The following CACNA1C variants were observed in gnomAD, a reference collection of about 807,000 sequenced individuals.
The protein encoded by CACNA1C is calcium voltage-gated channel subunit alpha1 C.
CACNA1C carries 30 observed loss-of-function variants against 229.0 expected under a neutral mutation model. That is an observed-to-expected ratio of 0.13 (90% CI 0.10 to 0.18). The LOEUF is 0.18. Ranked by LOEUF, CACNA1C falls within the 10% of genes least tolerant of loss-of-function variation. CACNA1C has a pLI of 1.00. For synonymous variants in CACNA1C, 1,114 were observed against 1,132.5 expected (o/e 0.98, Z 0.33); for missense variants, 1,658 against 2,845.0 (o/e 0.58, Z 9.49).
intron 3 of CACNA1C, among the ~76,000 whole-genome samples, chr12:2,268,914 G>C (rs1369545732): frequency 6.6e-6 from 1 of 152,164 alleles, no homozygotes; most frequent in African/African-American, 2.4e-5. Context: ...CTCGGCCTTG[G>C]GCAGACTCTG....
intron 1 of CACNA1C, among the ~76,000 whole-genome samples, chr12:2,104,249 T>C (rs758593805): frequency 5.3e-5 from 8 of 152,262 alleles, no homozygotes; most frequent in Admixed American, 2.6e-4. Context: ...TCTTATTTCC[T>C]TGAACAGTGG....
chr12:2,482,543 C>T (rs1475073681), intron 5 of CACNA1C, among the ~76,000 whole-genome samples: 2 of 152,182 alleles, frequency 1.3e-5, no homozygotes, highest in Non-Finnish European at 2.9e-5. Flanking sequence ...ATGGAATGAT[C>T]CAATAGAGTG....
At position 2,053,315 on chromosome 12, in the gene CACNA1C, A is replaced by G; in HGVS notation, c.-248A>G. 8.0e-7 allele frequency: 1 copy of G among 1,244,038 alleles called. No homozygotes were observed. Among genetic ancestry groups the G allele is most frequent in the Non-Finnish European group, 1.0e-6 (1 of 989,832 alleles). 77.1% of individuals were successfully genotyped at this position (1,244,038 alleles called of 1,614,324 possible). On this transcript the variant is annotated 5_prime_UTR_variant, in exon 1 of 47. Transcript: ENST00000399655. This position sits in a 1 kb window ranked among gnomAD's most constrained non-coding sequence, Gnocchi z 5.8. ...CAGTTCTTGGAAGGGGCCCGGATGT[A>G]CTGAGGATGCGTTACAGTTTCACTC...
At chr12:2,119,772 A>T (rs994893906) in intron 2 of CACNA1C, among the ~76,000 whole-genome samples, 11 of 152,204 alleles carry the variant, frequency 7.2e-5, no homozygotes, top group Non-Finnish European at 2.9e-5. Flanking sequence ...GGTCTTCAGG[A>T]TCTCTGGAAC....
intron 1 of CACNA1C, among the ~76,000 whole-genome samples, chr12:2,072,450 T>A (rs1319813788): frequency 6.6e-6 from 1 of 152,072 alleles, no homozygotes; most frequent in Non-Finnish European, 1.5e-5. Context: ...TCCGCCCGCC[T>A]CGGCCTCCCA....
intron 7 of CACNA1C, among the ~76,000 whole-genome samples, chr12:2,503,629 G>A (rs538059689): frequency 1.3e-5 from 2 of 152,286 alleles, no homozygotes; most frequent in South Asian, 4.1e-4. Flanking sequence ...CTGCCAGTGT[G>A]GTCAACGAAC....
intron 3 of CACNA1C, among the ~76,000 whole-genome samples, chr12:2,371,643 A>G (rs1006261482): frequency 1.2e-4 from 18 of 151,550 alleles, no homozygotes; most frequent in Admixed American, 1.1e-3. Context: ...AAATAAGGAG[A>G]TATTCTTAAG....
intron 3 of CACNA1C, among the ~76,000 whole-genome samples, chr12:2,315,963 T>G (rs2095667711): frequency 6.6e-6 from 1 of 152,238 alleles, no homozygotes; most frequent in South Asian, 2.1e-4. Flanking sequence ...AGAAAGGAAC[T>G]GCATTCCAGT....
intron 3 of CACNA1C, among the ~76,000 whole-genome samples, chr12:2,186,294 A>G (rs531744577): frequency 7.9e-5 from 12 of 152,100 alleles, no homozygotes; most frequent in African/African-American, 2.9e-4. Flanking sequence ...GGCTCATGTT[A>G]TGGGTGGCCG....
intron 3 of CACNA1C, among the ~76,000 whole-genome samples, chr12:2,192,401 C>T (rs2097266869): frequency 6.6e-6 from 1 of 152,044 alleles, no homozygotes; most frequent in Non-Finnish European, 1.5e-5. Flanking sequence ...AGCTCCAAGC[C>T]TTCTTCTGCG....
intron 3 of CACNA1C, among the ~76,000 whole-genome samples, chr12:2,281,338 A>G (rs940013207): frequency 2.0e-5 from 3 of 152,162 alleles, no homozygotes; most frequent in Non-Finnish European, 2.9e-5. Flanking sequence ...TGAAAATCAT[A>G]TATACTTAAC....
At chr12:2,090,201 G>A (rs891038801) in intron 1 of CACNA1C, among the ~76,000 whole-genome samples, 1 of 151,700 alleles carries the variant, frequency 6.6e-6, no homozygotes, top group Non-Finnish European at 1.5e-5. Flanking sequence ...CTTTGTGACT[G>A]GTTTATTTCA....
At chr12:2,234,037 T>C (rs2066359890) in intron 3 of CACNA1C, among the ~76,000 whole-genome samples, 1 of 152,202 alleles carries the variant, frequency 6.6e-6, no homozygotes, top group Non-Finnish European at 1.5e-5. Flanking sequence ...TCCCTTTGGC[T>C]GTTTATTAGC....
intron 1 of CACNA1C, among the ~76,000 whole-genome samples, chr12:2,036,752 C>T (rs529111947): frequency 5.3e-5 from 8 of 151,940 alleles, no homozygotes; most frequent in Middle Eastern, 3.5e-3. Flanking sequence ...GCATGAGCCA[C>T]GGCGCCCAGC....
intron 3 of CACNA1C, among the ~76,000 whole-genome samples, chr12:2,157,835 T>TA (rs966042310): frequency 3.6e-4 from 55 of 152,014 alleles, no homozygotes; most frequent in Admixed American, 6.5e-4. Flanking sequence ...GAGGAAAACT[T>TA]AAAAAAAACA....
chr12:2,360,739 T>C (rs1286243654), intron 3 of CACNA1C, among the ~76,000 whole-genome samples: 1 of 152,254 alleles, frequency 6.6e-6, no homozygotes, highest in Non-Finnish European at 1.5e-5. Context: ...CAGCTCTACC[T>C]TTCTGTCTCT....
At chr12:2,496,472 A>C (rs982150878) in intron 7 of CACNA1C, among the ~76,000 whole-genome samples, 2 of 152,244 alleles carry the variant, frequency 1.3e-5, no homozygotes, top group African/African-American at 4.8e-5. Context: ...AAAGCATCAA[A>C]GAAGCGATTG....
At chr12:2,451,971 G>A (rs1328699576) in intron 4 of CACNA1C, among the ~76,000 whole-genome samples, 1 of 152,208 alleles carries the variant, frequency 6.6e-6, no homozygotes, top group Admixed American at 6.5e-5. Flanking sequence ...GCTGCAGGGT[G>A]CAGCTTACCA....
Position 2,069,978 on chromosome 12 carries a change from A to T in CACNA1C, c.49+16367A>T, listed in dbSNP as rs116813657. 5.4e-3 allele frequency among the ~76,000 whole-genome samples: 819 copies of T among 152,100 alleles called. 7 individuals carry two copies. Among genetic ancestry groups the T allele is most frequent in the African/African-American group, 0.019 (789 of 41,460 alleles). ...TGCCACCATGCCTGGATACATTTTA[A>T]ATTTTTTGTAGAGGCAGGGTCTCAC... On this transcript the variant is annotated intron_variant, in intron 1 of 46. Coordinates refer to ENST00000399655, the MANE Select transcript of CACNA1C (RefSeq NM_000719.7).
Sources: gnomAD v4.1 joint callset for allele counts (sites outside exome capture counted in the v4.1 genomes callset) on GRCh38, gnomAD v4.1.1 for gene constraint, Gnocchi (gnomAD v3.1) non-coding constraint, MANE v1.5 for transcripts, NCBI Gene and HGNC (gene_info 2026-07-23, HGNC 2026-07-21) for gene names.